The following OLFM3 variants were observed in gnomAD, a reference collection of about 807,000 sequenced individuals.
OLFM3 encodes the protein olfactomedin 3.
Under a neutral mutation model 48.6 loss-of-function variants are expected in OLFM3, and 20 were observed. The ratio of observed to expected loss-of-function variants is 0.41; its 90% CI spans 0.29 to 0.60. OLFM3 has a LOEUF of 0.60. OLFM3 is among the 20% of genes least tolerant of loss of function. The pLI is 0.28. For missense variants in OLFM3, 437 were observed against 544.3 expected, an observed-to-expected ratio of 0.80 and a Z score of 1.96; for synonymous variants, 222 against 198.1, an observed-to-expected ratio of 1.12 and a Z score of -1.01.
At chr1:101,849,775 G>T (rs2100946763) in intron 1 of OLFM3, among the ~76,000 whole-genome samples, 1 of 152,328 alleles carries the variant, frequency 6.6e-6, no homozygotes, top group South Asian at 2.1e-4. Flanking sequence ...GAATAAATGT[G>T]ACGCAGTGGA....
intron 1 of OLFM3, among the ~76,000 whole-genome samples, chr1:101,974,822 G>A (rs1660906349): frequency 6.6e-6 from 1 of 152,072 alleles, no homozygotes; most frequent in African/African-American, 2.4e-5. Context: ...CCATGTAGTA[G>A]GGATTGTTCC....
chr1:101,838,145 G>C (rs1655528048), intron 1 of OLFM3, among the ~76,000 whole-genome samples: 1 of 152,020 alleles, frequency 6.6e-6, no homozygotes, highest in Non-Finnish European at 1.5e-5. Context: ...TGCAACCTCT[G>C]CTTCTCACGT....
intron 1 of OLFM3, among the ~76,000 whole-genome samples, chr1:101,935,589 A>C (rs1244390391): frequency 1.3e-5 from 2 of 152,286 alleles, no homozygotes; most frequent in East Asian, 3.9e-4. Flanking sequence ...TATTCCAAGA[A>C]ATTGAGGTAT....
At chr1:101,837,182 G>C (rs1655465497) in intron 1 of OLFM3, among the ~76,000 whole-genome samples, 157 bp from the exon 2 acceptor site, 1 of 152,090 alleles carries the variant, frequency 6.6e-6, no homozygotes, top group Non-Finnish European at 1.5e-5. Flanking sequence ...ATTTATATAG[G>C]CAGTATAGCT....
intron 1 of OLFM3, among the ~76,000 whole-genome samples, chr1:101,862,148 T>C (rs1656685334): frequency 6.6e-6 from 1 of 152,192 alleles, no homozygotes; most frequent in Non-Finnish European, 1.5e-5. Flanking sequence ...TGTTGAATAT[T>C]GTATCTGAAA....
intron 1 of OLFM3, among the ~76,000 whole-genome samples, chr1:101,947,036 A>G (rs960124313): frequency 1.3e-5 from 2 of 152,188 alleles, no homozygotes; most frequent in Non-Finnish European, 2.9e-5. Flanking sequence ...CTGATTGTCT[A>G]TTCAGCAATC....
chr1:101,851,211 G>C (rs1656209753), intron 1 of OLFM3, among the ~76,000 whole-genome samples: 1 of 152,112 alleles, frequency 6.6e-6, no homozygotes, highest in Non-Finnish European at 1.5e-5. Context: ...AAGCAGTTTA[G>C]TGGATAGTCC....
intron 1 of OLFM3, among the ~76,000 whole-genome samples, chr1:101,896,697 A>G (rs1268230698): frequency 2.2e-5 from 3 of 135,144 alleles, no homozygotes; most frequent in Non-Finnish European, 4.7e-5. Context: ...TTTTTTTAGT[A>G]GAGACGGGGT....
chr1:101,820,301 G>T (rs1028873808), intron 4 of OLFM3, among the ~76,000 whole-genome samples: 1 of 152,008 alleles, frequency 6.6e-6, no homozygotes, highest in African/African-American at 2.4e-5. Context: ...CCCTAAAACA[G>T]CACTAACAGG....
At chr1:101,940,680 CTA>C (rs140351486) in intron 1 of OLFM3, among the ~76,000 whole-genome samples, 2 of 147,934 alleles carry the variant, frequency 1.4e-5, no homozygotes. Context: ...AACTACCCAG[CTA>C]TATATATATA....
intron 4 of OLFM3, among the ~76,000 whole-genome samples, chr1:101,808,037 A>C (rs767140904): frequency 1.3e-5 from 2 of 151,810 alleles, no homozygotes; most frequent in South Asian, 4.1e-4. Flanking sequence ...TCCTATATAC[A>C]TTTTTTAATC....
intron 1 of OLFM3, among the ~76,000 whole-genome samples, chr1:101,950,843 G>A (rs1425077300): frequency 4.6e-5 from 7 of 152,080 alleles, no homozygotes; most frequent in Admixed American, 3.9e-4. Flanking sequence ...CCTTACAAAA[G>A]TGCCAAGCTC....
chr1:101,975,195 T>G (rs1177984559), intron 1 of OLFM3, among the ~76,000 whole-genome samples: 1 of 152,196 alleles, frequency 6.6e-6, no homozygotes, highest in Admixed American at 6.5e-5. Context: ...TTGGGTACAG[T>G]GGTGCGGATA....
chr1:101,884,363 C>A (rs1356028871), intron 1 of OLFM3, among the ~76,000 whole-genome samples: 1 of 151,888 alleles, frequency 6.6e-6, no homozygotes, highest in Non-Finnish European at 1.5e-5. Context: ...GGAGAAGCAA[C>A]CTCTGTTAAC....
intron 1 of OLFM3, among the ~76,000 whole-genome samples, chr1:101,840,944 G>A (rs115308344): frequency 1.1e-3 from 168 of 152,226 alleles, no homozygotes; most frequent in African/African-American, 3.9e-3. Context: ...TTAATTGGAA[G>A]AACTAAATGA....
intron 1 of OLFM3, among the ~76,000 whole-genome samples, chr1:101,896,749 C>T (rs1658222508): frequency 6.7e-6 from 1 of 150,116 alleles, no homozygotes; most frequent in Non-Finnish European, 1.5e-5. Flanking sequence ...ATCCGCCCGC[C>T]TCGGCCTCCT....
chr1:101,962,150 G>A (rs189535100), intron 1 of OLFM3, among the ~76,000 whole-genome samples: 46 of 151,988 alleles, frequency 3.0e-4, no homozygotes, highest in African/African-American at 1.0e-3. Context: ...TTTCTTTTTG[G>A]GAGTTCAGTG....
intron 1 of OLFM3, among the ~76,000 whole-genome samples, chr1:101,872,624 A>G (rs1241251989): frequency 6.6e-6 from 1 of 152,000 alleles, no homozygotes; most frequent in Non-Finnish European, 1.5e-5. Flanking sequence ...GTTCAATCTC[A>G]TTTCCTCAGA....
chr1:101,977,756 C>T (rs575251799), intron 1 of OLFM3, among the ~76,000 whole-genome samples: 91 of 151,898 alleles, frequency 6.0e-4, no homozygotes, highest in African/African-American at 2.2e-3. Flanking sequence ...CAAATATAGC[C>T]TTTTATGTTT....
Sources: gnomAD v4.1 joint callset for allele counts (sites outside exome capture counted in the v4.1 genomes callset) on GRCh38, gnomAD v4.1.1 for gene constraint, MANE v1.5 for transcripts, NCBI Gene and HGNC (gene_info 2026-07-23, HGNC 2026-07-21) for gene names.